Variants in LSAMP observed in about 807,000 individuals in gnomAD.
LSAMP encodes limbic system-associated membrane protein.
LSAMP carries 7 observed loss-of-function variants against 38.6 expected under a neutral mutation model. The observed-to-expected ratio is 0.18, with a 90% CI of 0.10 to 0.34. The LOEUF (loss-of-function observed/expected upper bound fraction) is 0.34. Among genes scored for constraint, LSAMP ranks in the 10% least tolerant of loss-of-function variants. LSAMP has a pLI of 1.00. For synonymous variants in LSAMP, 154 were observed against 166.8 expected, an observed-to-expected ratio of 0.92 and a Z score of 0.59; for missense variants, 313 against 420.0, an observed-to-expected ratio of 0.75 and a Z score of 2.23.
intron 3 of LSAMP, among the ~76,000 whole-genome samples, chr3:115,912,124 C>T (rs1937149074): frequency 6.6e-6 from 1 of 152,158 alleles, no homozygotes; most frequent in South Asian, 2.1e-4. Flanking sequence ...ATCCTTTTCA[C>T]AGGTCTTTTG....
intron 1 of LSAMP, among the ~76,000 whole-genome samples, chr3:116,267,884 T>C (rs766173737): frequency 6.6e-6 from 1 of 151,832 alleles, no homozygotes; most frequent in Non-Finnish European, 1.5e-5. Flanking sequence ...GAATGACCAA[T>C]GAGATGTAAG....
intron 1 of LSAMP, among the ~76,000 whole-genome samples, chr3:116,303,232 C>T (rs1050496123): frequency 6.6e-6 from 1 of 152,084 alleles, no homozygotes; most frequent in Non-Finnish European, 1.5e-5. Context: ...TTCTTACTTC[C>T]TATAGAAGAT....
intron 1 of LSAMP, among the ~76,000 whole-genome samples, chr3:116,334,662 G>C: frequency 6.6e-6 from 1 of 152,010 alleles, no homozygotes; most frequent in Non-Finnish European, 1.5e-5. Flanking sequence ...GATTATCTCA[G>C]TTGATGTAAA....
intron 3 of LSAMP, among the ~76,000 whole-genome samples, chr3:115,969,075 G>A (rs1938923459): frequency 6.6e-6 from 1 of 152,132 alleles, no homozygotes; most frequent in African/African-American, 2.4e-5. Context: ...GGGTTGTGTC[G>A]CAAGTCAAGA....
intron 3 of LSAMP, among the ~76,000 whole-genome samples, chr3:115,897,714 T>A (rs183039632): frequency 1.3e-5 from 2 of 152,240 alleles, no homozygotes; most frequent in East Asian, 3.9e-4. Context: ...TTTAATAGTG[T>A]TTTGTTAAAA....
chr3:116,414,046 AATATCCAATTGAAGGAATGGACATT>A (rs904755707), intron 1 of LSAMP, among the ~76,000 whole-genome samples: 13 of 152,226 alleles, frequency 8.5e-5, no homozygotes, highest in African/African-American at 3.1e-4. Flanking sequence ...GCTGGATGAA[AATATCCAATTGAAGGAATGGACATT>A]ATTTGTTTTA....
Position 116,445,102 on chromosome 3 carries a change from C to T in LSAMP, c.-71G>A. ...GCGCGCTGCTCGCGAGGAGAGGCTTCACCAACACGGGGCTTTCATCCACAG... is the reference window on the plus strand; with the variant it reads ...GCGCGCTGCTCGCGAGGAGAGGCTTTACCAACACGGGGCTTTCATCCACAG... On this transcript the variant is annotated 5_prime_UTR_variant, in exon 1 of 7. The change abolishes the stop of an existing upstream ORF in the 5' untranslated region. Transcript: ENST00000490035. The T allele has an allele frequency of 1.4e-6, 2 of 1,480,062 alleles. No individual in the cohort carries two copies. Among genetic ancestry groups the T allele is most frequent in the Non-Finnish European group, 1.8e-6 (2 of 1,089,556 alleles). The allele number at this position is 1,480,062 out of a possible 1,614,324, so 91.7% of individuals were successfully genotyped here. A position where few individuals can be genotyped will look rare whatever the true frequency, so the allele number is the denominator to read the frequency against.
intron 1 of LSAMP, among the ~76,000 whole-genome samples, chr3:116,322,053 G>C (rs1251431319): frequency 6.6e-6 from 1 of 152,158 alleles, no homozygotes; most frequent in Non-Finnish European, 1.5e-5. Flanking sequence ...GAAATCTCTA[G>C]TTACATTGTT....
chr3:116,421,832 G>A (rs1270856687), intron 1 of LSAMP, among the ~76,000 whole-genome samples: 2 of 152,160 alleles, frequency 1.3e-5, no homozygotes, highest in African/African-American at 4.8e-5. Flanking sequence ...TTGCTGGTGG[G>A]AACCTAAAAT....
intron 1 of LSAMP, among the ~76,000 whole-genome samples, chr3:116,322,382 T>C (rs2047716929): frequency 6.6e-6 from 1 of 152,212 alleles, no homozygotes; most frequent in Non-Finnish European, 1.5e-5. Flanking sequence ...ACCAGAAACA[T>C]GCAGAGACTC....
At chr3:115,907,824 G>C (rs1937044287) in intron 3 of LSAMP, among the ~76,000 whole-genome samples, 1 of 152,118 alleles carries the variant, frequency 6.6e-6, no homozygotes, top group South Asian at 2.1e-4. Flanking sequence ...ACAGAGAGTT[G>C]TATGCACCAG....
At chr3:116,324,575 G>A (rs781536069) in intron 1 of LSAMP, among the ~76,000 whole-genome samples, 6 of 152,040 alleles carry the variant, frequency 3.9e-5, no homozygotes, top group Admixed American at 3.3e-4. Flanking sequence ...TATTCATTCC[G>A]AGTTCTTACA....
At chr3:116,042,842 T>G (rs1020504882) in intron 2 of LSAMP, among the ~76,000 whole-genome samples, 3 of 152,222 alleles carry the variant, frequency 2.0e-5, no homozygotes, top group African/African-American at 7.2e-5. Flanking sequence ...ATGATGTTAC[T>G]GAACAAGGTG....
chr3:115,995,287 T>G (rs1337172399), intron 3 of LSAMP, among the ~76,000 whole-genome samples: 1 of 152,078 alleles, frequency 6.6e-6, no homozygotes, highest in Non-Finnish European at 1.5e-5. Context: ...CTTTGTTATC[T>G]TCACCTAAAA....
At chr3:115,989,218 T>G (rs1447626143) in intron 3 of LSAMP, among the ~76,000 whole-genome samples, 1 of 151,992 alleles carries the variant, frequency 6.6e-6, no homozygotes, top group African/African-American at 2.4e-5. Context: ...ACAGAGAAAA[T>G]AAATGCTAAC....
chr3:116,125,130 G>C lies in LSAMP; in HGVS notation c.156-38574C>G, dbSNP rs569031163. On this transcript the variant is annotated intron_variant, in intron 1 of 6. Coordinates refer to ENST00000490035, the MANE Select transcript of LSAMP (RefSeq NM_002338.5). ...GTTGTCTCTCTCCTACTTGAAAGTA[G>C]AGAATGGCTTCTCTTATAGGGAACA... Among the ~76,000 whole-genome samples, 68 of 152,216 alleles carry C rather than the reference G, an allele frequency of 4.5e-4. 1 individual carries two copies. In the South Asian group the frequency reaches 0.013, roughly 28 times the overall value.
chr3:116,086,086 G>A (rs1284408186), intron 2 of LSAMP, among the ~76,000 whole-genome samples: 1 of 152,170 alleles, frequency 6.6e-6, no homozygotes, highest in Admixed American at 6.5e-5. Context: ...TTCACACTCA[G>A]GGCTAGGTGA....
intron 3 of LSAMP, among the ~76,000 whole-genome samples, chr3:115,968,590 C>T (rs62268849): frequency 0.012 from 1,837 of 152,280 alleles, 16 homozygotes; most frequent in Non-Finnish European, 0.02. Flanking sequence ...GTTCTCTTTA[C>T]TCTTCCCTCT....
intron 6 of LSAMP, among the ~76,000 whole-genome samples, chr3:115,811,072 C>A (rs1179017898): frequency 6.6e-6 from 1 of 152,146 alleles, no homozygotes; most frequent in Non-Finnish European, 1.5e-5. Context: ...AAAACAAAAA[C>A]AAAGACGATA....
Sources: gnomAD v4.1 joint callset for allele counts (sites outside exome capture counted in the v4.1 genomes callset) on GRCh38, gnomAD v4.1.1 for gene constraint, MANE v1.5 for transcripts, NCBI Gene and HGNC (gene_info 2026-07-23, HGNC 2026-07-21) for gene names.